ADGB: variants seen among roughly 807,000 people sequenced by gnomAD.
The protein encoded by ADGB is androglobin.
Under a neutral mutation model 210.5 loss-of-function variants are expected in ADGB, and 172 were observed. The ratio of observed to expected loss-of-function variants is 0.82; its 90% CI spans 0.72 to 0.93. The LOEUF (loss-of-function observed/expected upper bound fraction) is 0.93. ADGB is among the 40% of genes least tolerant of loss of function. ADGB has a pLI of 0.00. For synonymous variants in ADGB, 658 were observed against 662.7 expected (o/e 0.99, Z 0.11); for missense variants, 2,025 against 1,964.8 (o/e 1.03, Z -0.58).
At chr6:146,721,294 C>T in intron 16 of ADGB, 109 bp from the exon 17 acceptor site, 1 of 699,906 alleles carries the variant, frequency 1.4e-6, no homozygotes. Context: ...GCCTACAACA[C>T]AGTAAGTTTC....
At chr6:146,654,065 A>G in intron 3 of ADGB, 70 bp from the exon 4 acceptor site, 2 of 1,115,776 alleles carry the variant, frequency 1.8e-6, no homozygotes, top group Non-Finnish European at 2.5e-6. Flanking sequence ...AATGGATTAA[A>G]ACTATTTCAT....
chr6:146,613,375 T>C lies in ADGB; in HGVS notation c.74+14261T>C, dbSNP rs541628921. Among the ~76,000 whole-genome samples, 27 of 152,336 alleles carry C rather than the reference T, an allele frequency of 1.8e-4. No individual in the cohort carries two copies. The South Asian group carries it at 4.3e-3, about 25-fold the overall frequency. On this transcript the variant is annotated intron_variant, in intron 1 of 35. Coordinates refer to ENST00000397944, the MANE Select transcript of ADGB (RefSeq NM_024694.4). Reference sequence around the variant, plus strand: ...AATGCCCTGACCCAAAATAATTCAATTGTGTAATTCTATTCATATTCTGAT... The same window carrying C: ...AATGCCCTGACCCAAAATAATTCAACTGTGTAATTCTATTCATATTCTGAT...
chr6:146,788,932 T>G (rs1008089035), intron 33 of ADGB, among the ~76,000 whole-genome samples: 5 of 152,174 alleles, frequency 3.3e-5, no homozygotes, highest in Non-Finnish European at 7.3e-5. Context: ...TAAACACAGA[T>G]TTTTTTGTGT....
intron 3 of ADGB, among the ~76,000 whole-genome samples, chr6:146,647,106 A>AAAAAAAAAAAAAAAC (rs1775628456): frequency 7.4e-6 from 1 of 134,496 alleles, no homozygotes; most frequent in South Asian, 2.4e-4. Flanking sequence ...AACAAAAAAC[A>AAAAAAAAAAAAAAAC]AAAAACAAAA....
At chr6:146,730,972 T>TGAGA (rs1173295212) in intron 20 of ADGB, among the ~76,000 whole-genome samples, 6 of 151,284 alleles carry the variant, frequency 4.0e-5, no homozygotes, top group African/African-American at 1.5e-4. Context: ...CATACATTTC[T>TGAGA]GAGAGAGAGA....
At chr6:146,755,395 C>T (rs1022307909) in intron 27 of ADGB, among the ~76,000 whole-genome samples, 5 of 152,058 alleles carry the variant, frequency 3.3e-5, no homozygotes, top group Non-Finnish European at 5.9e-5. Context: ...GTGATTAGAC[C>T]ATGGGATGCT....
intron 1 of ADGB, among the ~76,000 whole-genome samples, chr6:146,613,589 G>GA: frequency 6.6e-6 from 1 of 152,114 alleles, no homozygotes; most frequent in Non-Finnish European, 1.5e-5. Flanking sequence ...TTACTTCCAT[G>GA]AAATAATCTA....
chr6:146,756,932 G>A (rs1406172742), intron 27 of ADGB, among the ~76,000 whole-genome samples: 1 of 151,748 alleles, frequency 6.6e-6, no homozygotes, highest in Admixed American at 6.6e-5. Flanking sequence ...TCATTATGTT[G>A]GCCATGCTGG....
chr6:146,812,819 T>G (rs987883719), intron 35 of ADGB, among the ~76,000 whole-genome samples: 2 of 152,228 alleles, frequency 1.3e-5, no homozygotes, highest in Admixed American at 6.5e-5. Context: ...AGCAAAGAAC[T>G]TAACTGGGAA....
In ADGB at chr6:146,788,356, A is replaced by G. The variant is rs182967116; in HGVS notation, c.4316-33A>G. Reference sequence around the variant, plus strand: ...TTTGCATGTGATTTCATGGAACGCCAGCTTTTTCAGTAATGCACATGTCAT... The same window carrying G: ...TTTGCATGTGATTTCATGGAACGCCGGCTTTTTCAGTAATGCACATGTCAT... On this transcript the variant is annotated intron_variant, in intron 32 of 35. Coordinates refer to ENST00000397944, the MANE Select transcript of ADGB (RefSeq NM_024694.4). 5.4e-4 allele frequency: 824 copies of G among 1,538,090 alleles called. 11 individuals are homozygous for G. The East Asian group carries it at 6.4e-3, about 12-fold the overall frequency.
At chr6:146,726,412 A>T (rs1776896047) in intron 19 of ADGB, among the ~76,000 whole-genome samples, 1 of 151,870 alleles carries the variant, frequency 6.6e-6, no homozygotes, top group Non-Finnish European at 1.5e-5. Context: ...TTTATTAGAG[A>T]CGGGGTTTCA....
chr6:146,789,113 T>C (rs1295547786), intron 33 of ADGB, among the ~76,000 whole-genome samples: 1 of 152,206 alleles, frequency 6.6e-6, no homozygotes, highest in Non-Finnish European at 1.5e-5. Flanking sequence ...ACTAAAACCC[T>C]GATCAAAGGA....
At chr6:146,735,371 C>T (rs1327667) in intron 22 of ADGB, among the ~76,000 whole-genome samples, 2,162 of 152,020 alleles carry the variant, frequency 0.014, 52 homozygotes, top group African/African-American at 0.05. Flanking sequence ...AGGAAGGTGG[C>T]AGGGCGAGAG....
At chr6:146,765,785 A>G (rs978248104) in intron 28 of ADGB, among the ~76,000 whole-genome samples, 5 of 151,824 alleles carry the variant, frequency 3.3e-5, no homozygotes, top group African/African-American at 9.7e-5. Flanking sequence ...GGAAGCAGGG[A>G]TGATTAAAAA....
intron 7 of ADGB, among the ~76,000 whole-genome samples, chr6:146,670,945 A>T (rs1349748718): frequency 6.6e-6 from 1 of 152,228 alleles, no homozygotes; most frequent in Non-Finnish European, 1.5e-5. Flanking sequence ...TCAAAGGATT[A>T]GTTGAAATGA....
chr6:146,661,030 T>G (rs1027121236), intron 5 of ADGB, among the ~76,000 whole-genome samples: 2 of 152,128 alleles, frequency 1.3e-5, no homozygotes, highest in African/African-American at 4.8e-5. Flanking sequence ...TGACCTATAG[T>G]GCTTTCAAGC....
chr6:146,626,525 T>G (rs1780973991), intron 1 of ADGB, among the ~76,000 whole-genome samples: 1 of 152,006 alleles, frequency 6.6e-6, no homozygotes, highest in Non-Finnish European at 1.5e-5. Flanking sequence ...TTAATAGACA[T>G]TTTCAATAGG....
At chr6:146,644,906 G>T in intron 3 of ADGB, 41 bp downstream of exon 3, 2 of 1,213,158 alleles carry the variant, frequency 1.6e-6, no homozygotes, top group Non-Finnish European at 2.3e-6. Flanking sequence ...CTTACTATGT[G>T]GATGTATTAT....
chr6:146,784,925 CATTGA>C, intron 31 of ADGB, 131 bp downstream of exon 31: 1 of 896,546 alleles, frequency 1.1e-6, no homozygotes, highest in Non-Finnish European at 1.6e-6. Context: ...ATCAGACAGG[CATTGA>C]ATAACTACGT....
Sources: allele counts gnomAD v4.1 joint callset (sites outside exome capture counted in the v4.1 genomes callset), GRCh38; gene constraint gnomAD v4.1.1; transcripts MANE v1.5; gene names NCBI Gene and HGNC (gene_info 2026-07-23, HGNC 2026-07-21).